The following STARD6 variants were observed in gnomAD, a reference collection of about 807,000 sequenced individuals.
STARD6 encodes stAR-related lipid transfer protein 6.
A neutral mutation model predicts 22.3 loss-of-function variants in STARD6; 21 were observed. The observed-to-expected ratio is 0.94, with a 90% CI of 0.67 to 1.35. The LOEUF (loss-of-function observed/expected upper bound fraction) is 1.35, where lower values mean the gene tolerates loss of function less well. Among genes scored for constraint, STARD6 ranks in the 40% most tolerant of loss-of-function variants. The pLI is 0.00. For synonymous variants in STARD6, 80 were observed against 88.1 expected (o/e 0.91, Z 0.52); for missense variants, 269 against 266.9 (o/e 1.01, Z -0.05).
rs375996437 is a variant in STARD6, at chr18:54,342,018, A to G, written c.141-4767T>C. Among the ~76,000 whole-genome samples the G allele has an allele frequency of 2.0e-5, 3 of 152,236 alleles. No individual in the cohort carries two copies. The East Asian group carries it at 5.8e-4, about 29-fold the overall frequency. On this transcript the variant is annotated intron_variant, in intron 4 of 7. Coordinates refer to ENST00000307844, the MANE Select transcript of STARD6 (RefSeq NM_139171.2). ...AGATCAACAGAATTGATAAATGTTTAGCTAGATGTACGCAAAAAAAGAGAA... is the reference window on the plus strand; with the variant it reads ...AGATCAACAGAATTGATAAATGTTTGGCTAGATGTACGCAAAAAAAGAGAA...
Position 54,337,241 on chromosome 18 carries a change from C to T in STARD6, c.151G>A (p.Glu51Lys). ...GCTGGTGATTCTGGAATTATCCCTTCAACACGATATCTACAGTTAACAAAA... is the reference window on the plus strand; with the variant it reads ...GCTGGTGATTCTGGAATTATCCCTTTAACACGATATCTACAGTTAACAAAA... Reference protein sequence around the residue: ...RKFHGNLYRVEGIIPESPAKL... With the variant: ...RKFHGNLYRVKGIIPESPAKL... The change falls in exon 5 of 8, where the codon GAA (glutamate) becomes AAA (lysine). Residue 51 changes from glutamate to lysine, a missense_variant. Transcript: ENST00000307844. 1 of 1,612,238 alleles carries T rather than the reference C, an allele frequency of 6.2e-7. No homozygotes were observed. Among genetic ancestry groups the T allele is most frequent in the Non-Finnish European group, 8.5e-7 (1 of 1,179,316 alleles).
chr18:54,331,790 C>T lies in STARD6; in HGVS notation c.337G>A (p.Asp113Asn), dbSNP rs145044397. 23 of 1,612,678 alleles carry T rather than the reference C, an allele frequency of 1.4e-5. No homozygotes were observed. The highest frequency in any genetic ancestry group is 8.0e-5 in the African/African-American group (6 of 74,848). ...TCGTAGCGCTTGATGTACACTAAGT[C>T]GATAAAGTCTCGAGGGGAAATGGAG... ...VGSISPRDFIDLVYIKRYEGN... is the reference protein window; with the variant it reads ...VGSISPRDFINLVYIKRYEGN... The change falls in exon 6 of 8, where the codon GAC (aspartate) becomes AAC (asparagine). Residue 113 changes from aspartate to asparagine, a missense_variant. By Grantham distance (23) the Asp-to-Asn change is conservative. Coordinates refer to ENST00000307844, the MANE Select transcript of STARD6 (RefSeq NM_139171.2).
At chr18:54,352,884 A>C (rs1337267375) in intron 4 of STARD6, among the ~76,000 whole-genome samples, 1 of 152,218 alleles carries the variant, frequency 6.6e-6, no homozygotes, top group Non-Finnish European at 1.5e-5. Flanking sequence ...GTTGCTGTCT[A>C]CACTGGTCTG....
At chr18:54,345,505 C>T (rs758606528) in intron 4 of STARD6, among the ~76,000 whole-genome samples, 11 of 152,102 alleles carry the variant, frequency 7.2e-5, no homozygotes, top group Non-Finnish European at 1.3e-4. Context: ...AATTGAACTA[C>T]AGAATCAAAG....
At chr18:54,354,749 G>T (rs945850652) in intron 2 of STARD6, among the ~76,000 whole-genome samples, 172 bp from the exon 3 acceptor site, 2 of 152,206 alleles carry the variant, frequency 1.3e-5, no homozygotes, top group Admixed American at 6.5e-5. Context: ...TCTTTCAAAT[G>T]AGAAACTGTG....
Position 54,331,760 on chromosome 18 carries a change from T to C in STARD6, c.367A>G (p.Asn123Asp). The C allele has an allele frequency of 6.2e-7, 1 of 1,609,710 alleles. No individual in the cohort carries two copies. The highest frequency in any genetic ancestry group is 8.5e-7 in the Non-Finnish European group (1 of 1,177,214). Reference protein sequence around the residue: ...DLVYIKRYEGNMNIISSKSVD... With the variant: ...DLVYIKRYEGDMNIISSKSVD... ...AACTTACAACTGATAATGTTCATAT[T>C]TCCTTCGTAGCGCTTGATGTACACT... is the stretch of plus-strand genomic sequence containing the variant. The change falls in exon 6 of 8, where the codon AAT becomes GAT. Residue 123 changes from asparagine (N) to aspartate (D), a missense_variant. Physicochemically the swap from Asn to Asp is conservative, Grantham distance 23 (BLOSUM62 1). Transcript: ENST00000307844.
At chr18:54,338,543 C>G (rs2088937789) in intron 4 of STARD6, among the ~76,000 whole-genome samples, 2 of 151,998 alleles carry the variant, frequency 1.3e-5, no homozygotes, top group South Asian at 4.1e-4. Flanking sequence ...AACAGATGAA[C>G]AAATGACCAA....
At chr18:54,340,630 C>T (rs1477107738) in intron 4 of STARD6, among the ~76,000 whole-genome samples, 1 of 152,080 alleles carries the variant, frequency 6.6e-6, no homozygotes, top group Non-Finnish European at 1.5e-5. Flanking sequence ...AACCATATAA[C>T]AGTAACATTA....
chr18:54,333,388 G>A (rs2088881619), intron 5 of STARD6, among the ~76,000 whole-genome samples: 1 of 152,156 alleles, frequency 6.6e-6, no homozygotes, highest in African/African-American at 2.4e-5. Flanking sequence ...GGCGGAGCTT[G>A]CAGTGAGCCG....
intron 3 of STARD6, 112 bp downstream of exon 3, chr18:54,354,372 G>C (rs1184520338): frequency 1.1e-6 from 1 of 914,580 alleles, no homozygotes; most frequent in South Asian, 1.7e-5. Flanking sequence ...GGGACTATAG[G>C]TGCACACCAC....
intron 4 of STARD6, among the ~76,000 whole-genome samples, chr18:54,351,334 A>AACTTTATTC (rs1244781217): frequency 1.3e-5 from 2 of 152,146 alleles, no homozygotes; most frequent in African/African-American, 4.8e-5. Context: ...TTTATCCTGA[A>AACTTTATTC]ACTTTATTCA....
rs202006179 is a variant in STARD6 at position 54,330,602 on chromosome 18, TA to T, written c.385+1139del. ...GCTTAAAGCAAGGTGCAGGGCAGGA[TA>T]AAAAAAAAGAAATGTTAAGAAAACT... On this transcript the variant is annotated intron_variant, in intron 6 of 7. Transcript: ENST00000307844. 6.6e-5 allele frequency among the ~76,000 whole-genome samples: 10 copies of T among 151,294 alleles called. No individual in the cohort carries two copies. The South Asian group carries it at 1.7e-3, about 25-fold the overall frequency.
At chr18:54,343,381 C>T (rs1371708316) in intron 4 of STARD6, among the ~76,000 whole-genome samples, 1 of 144,654 alleles carries the variant, frequency 6.9e-6, no homozygotes, top group East Asian at 2.1e-4. Flanking sequence ...GGGGGTCAGC[C>T]CCCCGCCCGG....
At chr18:54,338,865 T>G (rs1048547610) in intron 4 of STARD6, among the ~76,000 whole-genome samples, 2 of 151,676 alleles carry the variant, frequency 1.3e-5, no homozygotes, top group Non-Finnish European at 2.9e-5. Context: ...TTGGCCAACA[T>G]GGTGAAACCC....
chr18:54,325,124 T>C (rs1211181277), intron 7 of STARD6, among the ~76,000 whole-genome samples: 1 of 152,126 alleles, frequency 6.6e-6, no homozygotes, highest in Non-Finnish European at 1.5e-5. Context: ...ATTTAAACAA[T>C]ATAAATTTTT....
chr18:54,328,640 A>AT (rs60137676), intron 7 of STARD6, among the ~76,000 whole-genome samples: 10,014 of 147,790 alleles, frequency 0.068, 375 homozygotes, highest in African/African-American at 0.088. Flanking sequence ...CTTCACATAC[A>AT]TTTTTTTTTT....
intron 7 of STARD6, among the ~76,000 whole-genome samples, chr18:54,326,122 C>G (rs957553080): frequency 3.3e-5 from 5 of 152,126 alleles, no homozygotes; most frequent in Admixed American, 1.3e-4. Context: ...CAAAATCGCC[C>G]TTCTCTTGCT....
Position 54,354,079 on chromosome 18 carries a change from C to T in STARD6, c.115G>A (p.Ala39Thr), listed in dbSNP as rs748047378. The T allele has an allele frequency of 6.4e-7, 1 of 1,567,494 alleles. No individual in the cohort carries two copies. Among genetic ancestry groups the T allele is most frequent in the Non-Finnish European group, 8.7e-7 (1 of 1,155,058 alleles). Reference sequence around the variant, plus strand: ...AGATTTCCATGGAATTTTCTAGAAGCCTTACTGGAAACAGTTATCTTTTTC... The same window carrying T: ...AGATTTCCATGGAATTTTCTAGAAGTCTTACTGGAAACAGTTATCTTTTTC... ...TSKKITVSSK[A>T]SRKFHGNLYR... is the part of the protein sequence containing the mutation. The change falls in exon 4 of 8, where the codon GCT becomes ACT. Residue 39 changes from alanine (A) to threonine (T), a missense_variant. Coordinates refer to ENST00000307844, the MANE Select transcript of STARD6 (RefSeq NM_139171.2).
intron 4 of STARD6, among the ~76,000 whole-genome samples, chr18:54,338,548 G>A (rs1309153917): frequency 1.3e-5 from 2 of 151,914 alleles, no homozygotes; most frequent in Admixed American, 6.5e-5. Flanking sequence ...ATGAACAAAT[G>A]ACCAAACAAA....
Sources: gnomAD v4.1 joint callset for allele counts (sites outside exome capture counted in the v4.1 genomes callset) on GRCh38, gnomAD v4.1.1 for gene constraint, MANE v1.5 for transcripts, NCBI Gene and HGNC (gene_info 2026-07-23, HGNC 2026-07-21) for gene names.